MGST2: variants seen among roughly 807,000 people sequenced by gnomAD.
MGST2 encodes glutathione peroxidase MGST2.
Under a neutral mutation model 16.6 loss-of-function variants are expected in MGST2, and 9 were observed. That is an observed-to-expected ratio of 0.54 (90% CI 0.33 to 0.95). The LOEUF is 0.95. Ranked by LOEUF, MGST2 falls within the 40% of genes least tolerant of loss-of-function variation. The pLI, the probability that MGST2 is intolerant of heterozygous loss-of-function variation, is 0.03. For synonymous variants in MGST2, 79 were observed against 68.0 expected (o/e 1.16, Z -0.79); for missense variants, 159 against 175.1 (o/e 0.91, Z 0.52).
intron 3 of MGST2, among the ~76,000 whole-genome samples, chr4:139,695,674 G>A (rs1248579190): frequency 1.3e-5 from 2 of 152,106 alleles, no homozygotes; most frequent in Non-Finnish European, 2.9e-5. Flanking sequence ...CAATCCTGGA[G>A]ACTAAACAAA....
intron 5 of MGST2, among the ~76,000 whole-genome samples, chr4:139,737,809 T>G (rs1331932862): frequency 2.0e-5 from 3 of 152,258 alleles, no homozygotes; most frequent in Non-Finnish European, 2.9e-5. Context: ...AATAAATTCA[T>G]AGCAGAGCTC....
intron 3 of MGST2, among the ~76,000 whole-genome samples, chr4:139,697,213 C>G (rs1726975432): frequency 6.6e-6 from 1 of 152,108 alleles, no homozygotes; most frequent in African/African-American, 2.4e-5. Flanking sequence ...AACCTGACTG[C>G]ATTTACACAA....
the MGST2 span, among the ~76,000 whole-genome samples, chr4:139,751,219 G>A: frequency 0.016 from 2,495 of 152,278 alleles, 31 homozygotes; most frequent in South Asian, 0.033. Context: ...TTTTCTAGGA[G>A]ACTACTATGA....
the MGST2 span, among the ~76,000 whole-genome samples, chr4:139,752,295 A>G: frequency 1.4e-4 from 21 of 152,242 alleles, no homozygotes; most frequent in African/African-American, 4.8e-4. Context: ...AGATGTAAAA[A>G]TGTGCATCTT....
chr4:139,708,390 T>C (rs1212981626), downstream of MGST2, among the ~76,000 whole-genome samples: 1 of 152,212 alleles, frequency 6.6e-6, no homozygotes, highest in African/African-American at 2.4e-5. Flanking sequence ...CGGCATTATT[T>C]CTGAGGGCTC....
intron 5 of MGST2, among the ~76,000 whole-genome samples, chr4:139,716,542 A>G (rs899841208): frequency 1.4e-5 from 2 of 147,614 alleles, no homozygotes; most frequent in Non-Finnish European, 3.0e-5. Context: ...CACATCCTTC[A>G]GAGTGCGGCA....
At chr4:139,752,721 C>A in the MGST2 span, among the ~76,000 whole-genome samples, 1 of 152,038 alleles carries the variant, frequency 6.6e-6, no homozygotes, top group Non-Finnish European at 1.5e-5. Context: ...AGAAACATGG[C>A]CAATCGAAGA....
chr4:139,718,632 C>T (rs1463514034), intron 5 of MGST2: 1 of 152,398 alleles, frequency 6.6e-6, no homozygotes, highest in East Asian at 1.9e-4. Flanking sequence ...GACCCTGCTC[C>T]AAACTCAGCC....
downstream of MGST2, chr4:139,705,796 G>A (rs1396145345): frequency 6.6e-6 from 1 of 152,142 alleles, no homozygotes; most frequent in East Asian, 1.9e-4. Flanking sequence ...TGTGGGGTTT[G>A]GAGGGTGATA....
intron 5 of MGST2, among the ~76,000 whole-genome samples, chr4:139,723,299 G>A (rs774845781): frequency 1.3e-5 from 2 of 152,088 alleles, no homozygotes; most frequent in Non-Finnish European, 1.5e-5. Flanking sequence ...TTTAATTTTT[G>A]TCTCTGGTTT....
intron 3 of MGST2, among the ~76,000 whole-genome samples, chr4:139,702,289 T>C (rs964862775): frequency 6.6e-6 from 1 of 152,190 alleles, no homozygotes; most frequent in African/African-American, 2.4e-5. Context: ...TCTATCAAGA[T>C]CTAGAACATG....
At chr4:139,727,453 G>C (rs1398734336) in intron 5 of MGST2, among the ~76,000 whole-genome samples, 1 of 152,162 alleles carries the variant, frequency 6.6e-6, no homozygotes, top group East Asian at 1.9e-4. Context: ...GGCAGCCTGT[G>C]GGGGACTGAG....
intron 5 of MGST2, chr4:139,730,278 C>G (rs1728646628): frequency 1.3e-6 from 1 of 754,964 alleles, no homozygotes; most frequent in Admixed American, 2.3e-5. Flanking sequence ...TCTTCAGGTT[C>G]TCTTGTGATC....
intron 5 of MGST2, among the ~76,000 whole-genome samples, chr4:139,721,447 C>T (rs1323491720): frequency 6.6e-6 from 1 of 152,092 alleles, no homozygotes; most frequent in Non-Finnish European, 1.5e-5. Context: ...AGCATGGGAG[C>T]CAGTCAATAT....
At chr4:139,689,020 T>G (rs1726410791) in intron 2 of MGST2, among the ~76,000 whole-genome samples, 1 of 145,612 alleles carries the variant, frequency 6.9e-6, no homozygotes, top group Admixed American at 7.2e-5. Flanking sequence ...GGCAGGAGAA[T>G]CATTTGAACC....
At chr4:139,725,248 C>T (rs1728421261) in intron 5 of MGST2, among the ~76,000 whole-genome samples, 1 of 152,174 alleles carries the variant, frequency 6.6e-6, no homozygotes, top group Non-Finnish European at 1.5e-5. Context: ...TCAAAAGAGA[C>T]TAGTGGTTGT....
intron 1 of MGST2, among the ~76,000 whole-genome samples, chr4:139,675,167 A>G (rs1730897418): frequency 6.6e-6 from 1 of 152,158 alleles, no homozygotes; most frequent in Non-Finnish European, 1.5e-5. Flanking sequence ...TATTATTTAA[A>G]CTATTATTAT....
At chr4:139,739,948 A>G (rs1725386496) in intron 5 of MGST2, among the ~76,000 whole-genome samples, 1 of 152,146 alleles carries the variant, frequency 6.6e-6, no homozygotes, top group African/African-American at 2.4e-5. Flanking sequence ...GACCTGGACT[A>G]TTTCTCCCTG....
chr4:139,753,292 C>T, the MGST2 span, among the ~76,000 whole-genome samples: 1 of 152,194 alleles, frequency 6.6e-6, no homozygotes, highest in African/African-American at 2.4e-5. Context: ...AACAGAAACT[C>T]TGTACCCATT....
Sources: gnomAD v4.1 joint callset for allele counts (sites outside exome capture counted in the v4.1 genomes callset) on GRCh38, gnomAD v4.1.1 for gene constraint, MANE v1.5 for transcripts, NCBI Gene and HGNC (gene_info 2026-07-23, HGNC 2026-07-21) for gene names.